Variants in MOXD1 observed in about 807,000 individuals in gnomAD.
MOXD1 encodes the protein DBH-like monooxygenase protein 1.
Under a neutral mutation model 66.6 loss-of-function variants are expected in MOXD1, and 62 were observed. The observed-to-expected ratio is 0.93, with a 90% CI of 0.76 to 1.15. MOXD1 has a LOEUF of 1.15. Among genes scored for constraint, MOXD1 ranks in the 50% most tolerant of loss-of-function variants. The probability of loss-of-function intolerance (pLI) is 0.00; values close to 1 mark genes in which losing one functional copy is unlikely to be tolerated. For synonymous variants in MOXD1, 303 were observed against 281.9 expected (o/e 1.07, Z -0.75); for missense variants, 847 against 754.6 (o/e 1.12, Z -1.44).
At chr6:132,320,223 G>C (rs140065838) in intron 9 of MOXD1, among the ~76,000 whole-genome samples, 172 of 152,238 alleles carry the variant, frequency 1.1e-3, no homozygotes, top group South Asian at 9.1e-3. Context: ...CAGTAAATCT[G>C]TTGGGACCAG....
intron 1 of MOXD1, among the ~76,000 whole-genome samples, chr6:132,393,457 G>T (rs1364827633): frequency 6.6e-6 from 1 of 152,232 alleles, no homozygotes. Flanking sequence ...GCTGGGATCA[G>T]CTGGGAGCCC....
intron 10 of MOXD1, among the ~76,000 whole-genome samples, chr6:132,314,597 G>A (rs1300686516): frequency 1.3e-5 from 2 of 151,822 alleles, no homozygotes; most frequent in Non-Finnish European, 2.9e-5. Flanking sequence ...CCACAAACAC[G>A]GTAGGTTCAG....
chr6:132,302,850 A>G (rs533645222), intron 10 of MOXD1, among the ~76,000 whole-genome samples: 1 of 152,312 alleles, frequency 6.6e-6, no homozygotes, highest in East Asian at 1.9e-4. Context: ...GGCTAAACAT[A>G]TAGAGCAATG....
chr6:132,329,845 G>C (rs377414081), intron 4 of MOXD1, among the ~76,000 whole-genome samples: 7 of 152,116 alleles, frequency 4.6e-5, no homozygotes, highest in Admixed American at 3.3e-4. Flanking sequence ...TTTATTATTA[G>C]AATTTGGAAG....
intron 4 of MOXD1, among the ~76,000 whole-genome samples, chr6:132,348,517 G>T (rs1329849672): frequency 2.0e-5 from 3 of 152,138 alleles, no homozygotes; most frequent in Non-Finnish European, 4.4e-5. Flanking sequence ...TCTCCTTTAA[G>T]TTAAGCCTAA....
chr6:132,366,603 T>C (rs1264007289), intron 4 of MOXD1, among the ~76,000 whole-genome samples: 3 of 152,090 alleles, frequency 2.0e-5, no homozygotes, highest in African/African-American at 4.8e-5. Context: ...CATAAAAGCA[T>C]GTAGTTTGAC....
chr6:132,331,387 C>A (rs1775314379), intron 4 of MOXD1, among the ~76,000 whole-genome samples: 1 of 152,074 alleles, frequency 6.6e-6, no homozygotes, highest in African/African-American at 2.4e-5. Flanking sequence ...AAACTAGTGG[C>A]CTTCATTGAA....
intron 1 of MOXD1, among the ~76,000 whole-genome samples, chr6:132,379,728 T>C (rs1776471901): frequency 6.6e-6 from 1 of 152,238 alleles, no homozygotes; most frequent in African/African-American, 2.4e-5. Flanking sequence ...ATGCAATGGA[T>C]CCAAAATTGT....
intron 4 of MOXD1, among the ~76,000 whole-genome samples, chr6:132,330,168 C>T (rs183449073): frequency 3.9e-4 from 60 of 152,252 alleles, no homozygotes; most frequent in Non-Finnish European, 6.9e-4. Context: ...GAGCAGGGGT[C>T]CCCAATCCAG....
Position 132,374,694 on chromosome 6 carries a change from T to C in MOXD1, c.348A>G (p.Thr116=). ...YHLEYAMENS[T]HTIIEFTREL... ...CTCTGGTAAATTCAATTATTGTGTG[T>C]GTGCTATTTTCCATGGCATATTCTA... is the stretch of plus-strand genomic sequence containing the variant. Residue 116 remains threonine, a synonymous_variant, in exon 2 of 12, where the codon ACA becomes ACG. Coordinates refer to ENST00000367963, the MANE Select transcript of MOXD1 (RefSeq NM_015529.4). 2 of 1,613,996 alleles carry C rather than the reference T, an allele frequency of 1.2e-6. No homozygotes were observed. Among genetic ancestry groups the C allele is most frequent in the Non-Finnish European group, 1.7e-6 (2 of 1,179,930 alleles).
Position 132,390,633 on chromosome 6 carries a change from A to C in MOXD1, c.264+10530T>G, listed in dbSNP as rs2275396. The C allele has an allele frequency of 0.038, 5,810 of 151,690 alleles. 647 individuals are homozygous for C. The East Asian group carries it at 0.39, about 10-fold the overall frequency. The allele number at this position is 151,690 out of a possible 1,614,324, so 9.4% of individuals were successfully genotyped here. On this transcript the variant is annotated intron_variant, in intron 1 of 11. Coordinates refer to ENST00000367963, the MANE Select transcript of MOXD1 (RefSeq NM_015529.4). ...TGAATATTCAGTAAATGAACATTCC[A>C]ACATTCTGAGTACTTTCCTGAAACA...
chr6:132,321,453 C>T (rs1440883434), intron 8 of MOXD1, among the ~76,000 whole-genome samples: 1 of 152,112 alleles, frequency 6.6e-6, no homozygotes, highest in Non-Finnish European at 1.5e-5. Flanking sequence ...ACAATAGAAT[C>T]GTGAGGCAAA....
At chr6:132,394,071 G>A (rs1195585090) in intron 1 of MOXD1, among the ~76,000 whole-genome samples, 1 of 152,104 alleles carries the variant, frequency 6.6e-6, no homozygotes, top group African/African-American at 2.4e-5. Context: ...AGAGGCTAAT[G>A]CTCAACCCAC....
intron 1 of MOXD1, among the ~76,000 whole-genome samples, chr6:132,383,103 C>T (rs1482506766): frequency 2.0e-5 from 3 of 152,160 alleles, no homozygotes; most frequent in Non-Finnish European, 4.4e-5. Context: ...TCAACAGGTG[C>T]TTGTAGTTTT....
chr6:132,297,415 G>A, intron 11 of MOXD1, 98 bp from the exon 12 acceptor site: 2 of 1,274,624 alleles, frequency 1.6e-6, no homozygotes, highest in African/African-American at 1.5e-5. Context: ...GGGGATAAAG[G>A]GGGCAGGAGT....
chr6:132,349,428 TATATATACATATATATATATATAC>T (rs1775747216), intron 4 of MOXD1, among the ~76,000 whole-genome samples: 2 of 72,786 alleles, frequency 2.7e-5, no homozygotes, highest in African/African-American at 1.0e-4. Flanking sequence ...TATACATATA[TATATATACATATATATATATATAC>T]ATATATATAT....
intron 1 of MOXD1, among the ~76,000 whole-genome samples, chr6:132,383,015 T>C (rs546080816): frequency 6.6e-5 from 10 of 152,206 alleles, no homozygotes; most frequent in African/African-American, 1.7e-4. Flanking sequence ...TAGACCTTGG[T>C]TGAGCTTGGA....
In MOXD1 at chr6:132,296,897, T is replaced by A. The variant is rs930615027; in HGVS notation, c.*256A>T. ...TTTTATTCCCACATGACAGCCCAATTTTTTAAAATGGTTATCTTAAGTCAG... is the reference window on the plus strand; with the variant it reads ...TTTTATTCCCACATGACAGCCCAATATTTTAAAATGGTTATCTTAAGTCAG... On this transcript the variant is annotated 3_prime_UTR_variant, in exon 12 of 12. Coordinates refer to ENST00000367963, the MANE Select transcript of MOXD1 (RefSeq NM_015529.4). 23 of 290,426 alleles carry A rather than the reference T, an allele frequency of 7.9e-5. No homozygotes were observed. In the East Asian group the frequency reaches 1.1e-3, roughly 13 times the overall value. 18.0% of individuals were successfully genotyped at this position (290,426 alleles called of 1,614,324 possible). A position where few individuals can be genotyped will look rare whatever the true frequency, so the allele number is the denominator to read the frequency against.
intron 1 of MOXD1, among the ~76,000 whole-genome samples, chr6:132,399,770 A>C (rs1776978570): frequency 6.6e-6 from 1 of 152,170 alleles, no homozygotes; most frequent in Non-Finnish European, 1.5e-5. Flanking sequence ...TAAACGGTAA[A>C]ATTTCTTTTT....
Sources: gnomAD v4.1 joint callset for allele counts (sites outside exome capture counted in the v4.1 genomes callset) on GRCh38, gnomAD v4.1.1 for gene constraint, MANE v1.5 for transcripts, NCBI Gene and HGNC (gene_info 2026-07-23, HGNC 2026-07-21) for gene names.